Variants in FAM53B observed in about 807,000 individuals in gnomAD.
FAM53B encodes the protein protein FAM53B.
FAM53B carries 12 observed loss-of-function variants against 32.7 expected under a neutral mutation model. That is an observed-to-expected ratio of 0.37 (90% CI 0.24 to 0.59). The LOEUF (loss-of-function observed/expected upper bound fraction) is 0.59. FAM53B is among the 20% of genes least tolerant of loss of function. The pLI is 0.72. For synonymous variants in FAM53B, 234 were observed against 228.7 expected, an observed-to-expected ratio of 1.02 and a Z score of -0.21; for missense variants, 477 against 577.7, an observed-to-expected ratio of 0.83 and a Z score of 1.79.
intron 1 of FAM53B, among the ~76,000 whole-genome samples, chr10:124,724,812 G>A (rs960921083): frequency 6.6e-6 from 1 of 152,200 alleles, no homozygotes; most frequent in African/African-American, 2.4e-5. Context: ...AGCCCCATAC[G>A]AGAATGTCAC....
chr10:124,708,267 C>T (rs1352478852), intron 1 of FAM53B, among the ~76,000 whole-genome samples: 1 of 152,156 alleles, frequency 6.6e-6, no homozygotes, highest in Non-Finnish European at 1.5e-5. Flanking sequence ...ATCATGTTTT[C>T]CTGTTTACTT....
chr10:124,677,543 C>G (rs1055111510), intron 4 of FAM53B, among the ~76,000 whole-genome samples: 1 of 152,272 alleles, frequency 6.6e-6, no homozygotes, highest in Non-Finnish European at 1.5e-5. Flanking sequence ...AGGGCGGCCA[C>G]TGCTGGACTA....
chr10:124,730,071 A>G (rs1258146896), intron 1 of FAM53B, among the ~76,000 whole-genome samples: 8 of 152,190 alleles, frequency 5.3e-5, no homozygotes, highest in Non-Finnish European at 1.5e-5. Flanking sequence ...AGGTACCTGG[A>G]ACTCACCTTC....
At chr10:124,638,374 A>AAAAAC (rs3837354) in intron 4 of FAM53B, among the ~76,000 whole-genome samples, 27,067 of 151,452 alleles carry the variant, frequency 0.18, 2,562 homozygotes, top group East Asian at 0.28. Context: ...ACTCCACCTC[A>AAAAAC]AAAACAAAAC....
intron 1 of FAM53B, among the ~76,000 whole-genome samples, chr10:124,716,795 G>A (rs1196195807): frequency 2.0e-5 from 3 of 152,058 alleles, no homozygotes; most frequent in Admixed American, 2.0e-4. Flanking sequence ...GGAGAGAGGA[G>A]AACTCACACT....
chr10:124,623,481 C>A lies in FAM53B; in HGVS notation c.1030G>T (p.Gly344Cys). 2 of 1,586,426 alleles carry A rather than the reference C, an allele frequency of 1.3e-6. No homozygotes were observed. The highest frequency in any genetic ancestry group is 1.7e-6 in the Non-Finnish European group (2 of 1,167,354). The change falls in exon 5 of 5, where the codon GGC (glycine) becomes TGC (cysteine). Residue 344 changes from glycine (G) to cysteine (C), a missense_variant. This residue lies in a region of FAM53B where 165 missense variants were observed against 157.5 expected (regional missense o/e 1.05). Coordinates refer to ENST00000337318, the MANE Select transcript of FAM53B (RefSeq NM_014661.4). ...CCAGCGGGGGTCCTGCCCCCTGGGC[C>A]GGAGGCTGAGAGCAGGGCGGTCCAG... ...RAWTALLSASGPGGRTPAGTP... is the reference protein window; with the variant it reads ...RAWTALLSASCPGGRTPAGTP...
chr10:124,731,577 C>CT (rs34416562), intron 1 of FAM53B, among the ~76,000 whole-genome samples: 34,622 of 145,048 alleles, frequency 0.24, 4,482 homozygotes, highest in Non-Finnish European at 0.31. Flanking sequence ...CAAAATCAAC[C>CT]TTTTTTTTTT....
chr10:124,730,030 A>C (rs1950130790), intron 1 of FAM53B, among the ~76,000 whole-genome samples: 1 of 152,200 alleles, frequency 6.6e-6, no homozygotes, highest in Non-Finnish European at 1.5e-5. Context: ...ACAGCATTTT[A>C]AGGAGTAAGT....
intron 4 of FAM53B, among the ~76,000 whole-genome samples, chr10:124,654,710 A>G (rs1949576463): frequency 6.6e-6 from 1 of 152,104 alleles, no homozygotes; most frequent in Non-Finnish European, 1.5e-5. Context: ...CTCTGCGGAC[A>G]TGAGTGGTGT....
chr10:124,627,876 T>A (rs770730073), intron 4 of FAM53B, among the ~76,000 whole-genome samples: 1 of 151,962 alleles, frequency 6.6e-6, no homozygotes, highest in Non-Finnish European at 1.5e-5. Context: ...TCTGTGCAGA[T>A]ATTTATTCCC....
chr10:124,706,150 G>A (rs1215688650), intron 2 of FAM53B, among the ~76,000 whole-genome samples: 2 of 152,198 alleles, frequency 1.3e-5, no homozygotes, highest in African/African-American at 4.8e-5. Context: ...GGGTGGTCCA[G>A]GGTGAACCAC....
At chr10:124,678,306 C>CATACAG (rs1331490646) in intron 4 of FAM53B, among the ~76,000 whole-genome samples, 2 of 152,184 alleles carry the variant, frequency 1.3e-5, no homozygotes, top group Non-Finnish European at 2.9e-5. Flanking sequence ...AGTGTGTGTA[C>CATACAG]ATACAGATAC....
intron 4 of FAM53B, among the ~76,000 whole-genome samples, chr10:124,657,046 ATATATGTATATATG>A (rs1362671153): frequency 2.4e-4 from 34 of 142,288 alleles, no homozygotes; most frequent in African/African-American, 8.4e-4. Flanking sequence ...AAATATATAT[ATATATGTATATATG>A]TATATATATA....
chr10:124,661,793 A>G (rs1233516979), intron 4 of FAM53B, among the ~76,000 whole-genome samples: 1 of 152,238 alleles, frequency 6.6e-6, no homozygotes, highest in Non-Finnish European at 1.5e-5. Context: ...AGATTTCAGT[A>G]ATGATCCAAT....
chr10:124,642,668 C>T (rs1394215610), intron 4 of FAM53B, among the ~76,000 whole-genome samples: 4 of 152,136 alleles, frequency 2.6e-5, no homozygotes, highest in Admixed American at 6.5e-5. Flanking sequence ...CGTGCAACTG[C>T]CGATCACAGA....
intron 4 of FAM53B, among the ~76,000 whole-genome samples, chr10:124,635,201 TCCTGCCTCAG>T: frequency 6.6e-6 from 1 of 152,294 alleles, no homozygotes. Context: ...CAAGCAATTC[TCCTGCCTCAG>T]CCTCCTGAGT....
intron 1 of FAM53B, among the ~76,000 whole-genome samples, chr10:124,730,297 A>C (rs908531887): frequency 6.6e-6 from 1 of 152,192 alleles, no homozygotes; most frequent in African/African-American, 2.4e-5. Context: ...GCAAACACAC[A>C]TGGGGCACTG....
intron 3 of FAM53B, among the ~76,000 whole-genome samples, chr10:124,689,013 C>T (rs956438861): frequency 2.6e-5 from 4 of 152,182 alleles, no homozygotes; most frequent in Admixed American, 2.0e-4. Flanking sequence ...ATACGAAATG[C>T]CCCGATTAGC....
At position 124,651,547 on chromosome 10, in the gene FAM53B, G is replaced by A. The variant is rs953656479; in HGVS notation, c.907-27943C>T. Among the ~76,000 whole-genome samples, 8 of 152,098 alleles carry A rather than the reference G, an allele frequency of 5.3e-5. No homozygotes were observed. The highest frequency in any genetic ancestry group is 3.9e-4 in the Admixed American group (6 of 15,274). On this transcript the variant is annotated intron_variant, in intron 4 of 4. Transcript: ENST00000337318. This position sits in a 1 kb window ranked among gnomAD's most constrained non-coding sequence, Gnocchi z 5.2. ...TGGACGGAATCACAATCCCACACAC[G>A]GCACCAGGGACCTGGACTATGCACC... is the stretch of plus-strand genomic sequence containing the variant.
Sources: allele counts gnomAD v4.1 joint callset (sites outside exome capture counted in the v4.1 genomes callset), GRCh38; gene constraint gnomAD v4.1.1; regional missense constraint gnomAD v4.1.1; non-coding constraint Gnocchi (gnomAD v3.1); transcripts MANE v1.5; gene names NCBI Gene and HGNC (gene_info 2026-07-23, HGNC 2026-07-21).